The following THSD7B variants were observed in gnomAD, a reference collection of about 807,000 sequenced individuals.
THSD7B encodes thrombospondin type 1 domain containing 7B.
THSD7B carries 138 observed loss-of-function variants against 213.6 expected under a neutral mutation model. The ratio of observed to expected loss-of-function variants is 0.65; its 90% confidence interval spans 0.56 to 0.74. The LOEUF is 0.74. THSD7B is among the 30% of genes least tolerant of loss of function. The pLI is 0.00. For missense variants in THSD7B, 1,931 were observed against 1,991.5 expected (o/e 0.97, Z 0.58); for synonymous variants, 742 against 687.0 (o/e 1.08, Z -1.25).
chr2:136,815,768 G>A (rs1455835351), intron 1 of THSD7B, among the ~76,000 whole-genome samples: 2 of 152,222 alleles, frequency 1.3e-5, no homozygotes, highest in African/African-American at 2.4e-5. Flanking sequence ...TCCAGGATAT[G>A]TCAAAAACAC....
chr2:137,093,228 A>T (rs1053794023), intron 3 of THSD7B, among the ~76,000 whole-genome samples: 4 of 151,626 alleles, frequency 2.6e-5, no homozygotes, highest in African/African-American at 9.7e-5. Flanking sequence ...AAGCCCTTCC[A>T]GAGCAGCTTT....
intron 14 of THSD7B, among the ~76,000 whole-genome samples, chr2:137,440,914 T>C (rs1687395058): frequency 1.3e-5 from 2 of 152,112 alleles, no homozygotes; most frequent in Admixed American, 1.3e-4. Flanking sequence ...TAGAGAAATC[T>C]ATCTACTCAT....
chr2:137,284,806 T>A (rs1456255317), intron 12 of THSD7B, among the ~76,000 whole-genome samples: 3 of 152,138 alleles, frequency 2.0e-5, no homozygotes, highest in South Asian at 2.1e-4. Flanking sequence ...TGCTGAGGAG[T>A]GCTTTACTTC....
chr2:137,382,758 G>A (rs776250519), intron 12 of THSD7B, among the ~76,000 whole-genome samples: 1 of 152,198 alleles, frequency 6.6e-6, no homozygotes, highest in Non-Finnish European at 1.5e-5. Context: ...AAAGTTGCAA[G>A]AGGTCTTGGG....
At chr2:137,029,521 T>A (rs1480981609) in intron 2 of THSD7B, among the ~76,000 whole-genome samples, 1 of 152,174 alleles carries the variant, frequency 6.6e-6, no homozygotes, top group African/African-American at 2.4e-5. Flanking sequence ...TTCAAAGATA[T>A]ACAAACATAC....
intron 7 of THSD7B, among the ~76,000 whole-genome samples, chr2:137,206,451 C>T (rs1680985719): frequency 6.6e-6 from 1 of 151,956 alleles, no homozygotes; most frequent in African/African-American, 2.4e-5. Context: ...GGTTTTCAGC[C>T]CTGACTGCGT....
chr2:136,885,004 T>C (rs1259185019), intron 2 of THSD7B, among the ~76,000 whole-genome samples: 1 of 152,214 alleles, frequency 6.6e-6, no homozygotes, highest in Non-Finnish European at 1.5e-5. Flanking sequence ...ATCTGTTACC[T>C]ATTTACGGAT....
intron 17 of THSD7B, among the ~76,000 whole-genome samples, 199 bp from the exon 18 acceptor site, chr2:137,615,976 A>G (rs535105365): frequency 6.6e-6 from 1 of 152,324 alleles, no homozygotes; most frequent in East Asian, 1.9e-4. Context: ...TAACACAGGA[A>G]AAACAAAAGA....
At chr2:137,603,785 T>C (rs1216606866) in intron 17 of THSD7B, among the ~76,000 whole-genome samples, 1 of 152,186 alleles carries the variant, frequency 6.6e-6, no homozygotes, top group Non-Finnish European at 1.5e-5. Flanking sequence ...TGGCTTGGCA[T>C]CACAAATGCA....
At chr2:137,448,789 A>G (rs1687592645) in intron 14 of THSD7B, among the ~76,000 whole-genome samples, 1 of 147,882 alleles carries the variant, frequency 6.8e-6, no homozygotes, top group South Asian at 2.1e-4. Context: ...ACAGAGCGAG[A>G]CTCCATCTCA....
At chr2:137,586,722 C>A (rs981562462) in intron 17 of THSD7B, among the ~76,000 whole-genome samples, 1 of 152,198 alleles carries the variant, frequency 6.6e-6, no homozygotes, top group Non-Finnish European at 1.5e-5. Flanking sequence ...GTCTGATGGG[C>A]TTCCCTTTGT....
At chr2:137,573,398 G>A (rs531327155) in intron 17 of THSD7B, among the ~76,000 whole-genome samples, 15 of 152,080 alleles carry the variant, frequency 9.9e-5, no homozygotes, top group South Asian at 2.1e-4. Flanking sequence ...AGTTAATATC[G>A]TATGTTTAGA....
chr2:136,873,558 G>T (rs1224305951), intron 1 of THSD7B, among the ~76,000 whole-genome samples: 2 of 152,166 alleles, frequency 1.3e-5, no homozygotes, highest in African/African-American at 4.8e-5. Context: ...GTGCTTTTTA[G>T]CTCTTCAGAA....
At position 137,546,482 on chromosome 2, in the gene THSD7B, T is replaced by TA. The variant is rs1488317324; in HGVS notation, c.3139-16738dup. Among the ~76,000 whole-genome samples the TA allele has an allele frequency of 2.6e-5, 2 of 76,912 alleles. 1 individual carries two copies. The highest frequency in any genetic ancestry group is 4.6e-5 in the Non-Finnish European group (2 of 43,576). The allele number at this position is 76,912 out of a possible 152,430, so 50.5% of individuals were successfully genotyped here. A position where few individuals can be genotyped will look rare whatever the true frequency, so the allele number is the denominator to read the frequency against. On this transcript the variant is annotated intron_variant, in intron 15 of 27. Coordinates refer to ENST00000409968, the MANE Select transcript of THSD7B (RefSeq NM_001316349.2). Reference sequence around the variant, plus strand: ...ATATATAATATATATATATATAATATATATATATATATATTAACATACCTA... The same window carrying TA: ...ATATATAATATATATATATATAATATAATATATATATATATTAACATACCTA...
chr2:137,677,659 AG>A lies in THSD7B; in HGVS notation c.*1056del, dbSNP rs1218901619. 2 of 152,658 alleles carry A rather than the reference AG, an allele frequency of 1.3e-5. No individual in the cohort carries two copies. Among genetic ancestry groups the A allele is most frequent in the African/African-American group, 4.8e-5 (2 of 41,458 alleles). 9.5% of individuals were successfully genotyped at this position (152,658 alleles called of 1,614,324 possible). A position where few individuals can be genotyped will look rare whatever the true frequency, so the allele number is the denominator to read the frequency against. On this transcript the variant is annotated 3_prime_UTR_variant, in exon 28 of 28. Transcript: ENST00000409968. ...GTAATCATAGGTGTTGAAAGTAAAAAGGTGCCATCTTGTGGTATTGACTTGT... is the reference window on the plus strand; with the variant it reads ...GTAATCATAGGTGTTGAAAGTAAAAAGTGCCATCTTGTGGTATTGACTTGT...
At chr2:137,455,454 G>A (rs186043835) in intron 15 of THSD7B, among the ~76,000 whole-genome samples, 1 of 152,252 alleles carries the variant, frequency 6.6e-6, no homozygotes, top group Admixed American at 6.5e-5. Flanking sequence ...AAATGGGAAG[G>A]TTGCTATTAT....
At chr2:136,979,217 C>G (rs1204399517) in intron 2 of THSD7B, among the ~76,000 whole-genome samples, 3 of 149,890 alleles carry the variant, frequency 2.0e-5, no homozygotes, top group Non-Finnish European at 4.4e-5. Flanking sequence ...TCTTGCTGCC[C>G]TTAACATTTT....
chr2:137,063,188 C>G (rs1687311310), intron 3 of THSD7B, among the ~76,000 whole-genome samples: 1 of 145,722 alleles, frequency 6.9e-6, no homozygotes, highest in Non-Finnish European at 1.5e-5. Context: ...GTGTATTCAT[C>G]TGTCTTGTAG....
At chr2:137,088,247 T>TA (rs570940668) in intron 3 of THSD7B, among the ~76,000 whole-genome samples, 306 of 141,494 alleles carry the variant, frequency 2.2e-3, no homozygotes, top group African/African-American at 3.0e-3. Flanking sequence ...CTCAAAAAAA[T>TA]AAAAAAAAAA....
Sources: allele counts gnomAD v4.1 joint callset (sites outside exome capture counted in the v4.1 genomes callset), GRCh38; gene constraint gnomAD v4.1.1; transcripts MANE v1.5; gene names NCBI Gene and HGNC (gene_info 2026-07-23, HGNC 2026-07-21).